The following ZBTB40 variants were observed in gnomAD, a reference collection of about 807,000 sequenced individuals.
ZBTB40 encodes zinc finger and BTB domain-containing protein 40.
In ZBTB40, 60 loss-of-function variants were observed where a neutral mutation model predicts 117.5. The ratio of observed to expected loss-of-function variants is 0.51; its 90% CI spans 0.41 to 0.63. The LOEUF (loss-of-function observed/expected upper bound fraction) is 0.63, where lower values mean the gene tolerates loss of function less well. Among genes scored for constraint, ZBTB40 ranks in the 30% least tolerant of loss-of-function variants. The probability of loss-of-function intolerance (pLI) is 0.00; values close to 1 mark genes in which losing one functional copy is unlikely to be tolerated. For synonymous variants in ZBTB40, 525 were observed against 577.1 expected (o/e 0.91, Z 1.29); for missense variants, 1,287 against 1,498.5 (o/e 0.86, Z 2.33).
At position 22,511,989 on chromosome 1, in the gene ZBTB40, T is replaced by G; in HGVS notation, c.2316T>G (p.Ser772Arg). 6.2e-7 allele frequency: 1 copy of G among 1,614,076 alleles called. No individual in the cohort carries two copies. The highest frequency in any genetic ancestry group is 8.5e-7 in the Non-Finnish European group (1 of 1,180,028). Reference protein sequence around the residue: ...KSKQVQCKECSETKDSKKELD... With the variant: ...KSKQVQCKECRETKDSKKELD... The stretch of plus-strand genomic sequence containing the variant: ...AACAGGTGCAGTGTAAGGAGTGCAG[T>G]GAGACCAAGGATTCAAAGAAAGAGC... Residue 772 changes from serine (S) to arginine (R), a missense_variant, in exon 11 of 18, where the codon AGT becomes AGG. Ser to Arg is a moderately radical substitution (Grantham distance 110). Around this residue, in one of 2 missense-constraint regions of ZBTB40, gnomAD observed 870 missense variants for 934.4 expected, o/e 0.93. Coordinates refer to ENST00000375647, the MANE Select transcript of ZBTB40 (RefSeq NM_014870.4).
chr1:22,477,800 G>C (rs949273901), intron 1 of ZBTB40, among the ~76,000 whole-genome samples: 1 of 152,052 alleles, frequency 6.6e-6, no homozygotes, highest in South Asian at 2.1e-4. Context: ...CTCCCGCCTC[G>C]GCCTCTCAAA....
intron 1 of ZBTB40, among the ~76,000 whole-genome samples, chr1:22,440,938 C>CT (rs757755273): frequency 5.9e-5 from 9 of 152,030 alleles, no homozygotes; most frequent in Non-Finnish European, 8.8e-5. Flanking sequence ...CTATAGTTTT[C>CT]TTTTTCTTGT....
At chr1:22,509,048 A>C (rs1341156120) in intron 8 of ZBTB40, 52 bp from the exon 9 acceptor site, 2 of 1,613,970 alleles carry the variant, frequency 1.2e-6, no homozygotes, top group African/African-American at 1.3e-5. Context: ...GGTGTAGGAA[A>C]AAATGGTGCT....
rs756937141 is a variant in ZBTB40 at position 22,501,734 on chromosome 1, A to G, written c.1024+50A>G. ...AATGGCAGGGTTTTATTTTGGGATG[A>G]TGCTATGAAGTTTGTTCCAATGACA... On this transcript the variant is annotated intron_variant, in intron 4 of 17. Transcript: ENST00000375647. 5.1e-6 allele frequency: 8 copies of G among 1,583,038 alleles called. No individual in the cohort carries two copies. In the African/African-American group the frequency reaches 9.4e-5, roughly 19 times the overall value.
At position 22,512,076 on chromosome 1, in the gene ZBTB40, G is replaced by A; in HGVS notation, c.2403G>A (p.Lys801=). 11 of 1,613,946 alleles carry A rather than the reference G, an allele frequency of 6.8e-6. No individual in the cohort carries two copies. The highest frequency in any genetic ancestry group is 9.3e-6 in the Non-Finnish European group (11 of 1,180,050). The change falls in exon 11 of 18, where the codon AAG becomes AAA. Residue 801 remains lysine (K), a synonymous_variant. Coordinates refer to ENST00000375647, the MANE Select transcript of ZBTB40 (RefSeq NM_014870.4). ...GAGAGCCCGATGCCCCCAAGAAGAA[G>A]AAGAAGAGGCTTCCAGTGACATGTG... The part of the protein sequence containing the change: ...AGGEPDAPKK[K]KKRLPVTCDL...
chr1:22,438,662 A>G (rs2124364917), intron 1 of ZBTB40, among the ~76,000 whole-genome samples: 1 of 152,266 alleles, frequency 6.6e-6, no homozygotes, highest in South Asian at 2.1e-4. Context: ...CCGTTTTTCC[A>G]CAACCTTGCC....
At chr1:22,439,018 C>A (rs1013731824) in intron 1 of ZBTB40, among the ~76,000 whole-genome samples, 8 of 152,134 alleles carry the variant, frequency 5.3e-5, no homozygotes, top group African/African-American at 1.9e-4. Flanking sequence ...CAGGTGCCCA[C>A]CACCACGTCC....
intron 12 of ZBTB40, among the ~76,000 whole-genome samples, chr1:22,516,161 G>A (rs1639367919): frequency 6.6e-6 from 1 of 152,160 alleles, no homozygotes; most frequent in Non-Finnish European, 1.5e-5. Context: ...TTACTGAGAT[G>A]GGGGAGTGTG....
chr1:22,432,117 T>C (rs1027335896), intron 1 of ZBTB40, among the ~76,000 whole-genome samples: 2 of 152,224 alleles, frequency 1.3e-5, no homozygotes, highest in Admixed American at 6.5e-5. Flanking sequence ...GGCAAAATGC[T>C]AGACTTTATG....
intron 1 of ZBTB40, among the ~76,000 whole-genome samples, chr1:22,480,630 G>A (rs546917034): frequency 1.2e-4 from 19 of 152,238 alleles, no homozygotes; most frequent in East Asian, 1.2e-3. Flanking sequence ...GATTACAGGC[G>A]TGAGCCACCG....
At chr1:22,437,447 G>T in intron 1 of ZBTB40, among the ~76,000 whole-genome samples, 1 of 147,616 alleles carries the variant, frequency 6.8e-6, no homozygotes, top group Non-Finnish European at 1.5e-5. Context: ...TTGAGATGGA[G>T]TCTCACTCTG....
At position 22,435,018 on chromosome 1, in the gene ZBTB40, A is replaced by AT. The variant is rs200374120; in HGVS notation, c.-70+6020dup. 2.4e-3 allele frequency among the ~76,000 whole-genome samples: 329 copies of AT among 139,804 alleles called. 1 individual carries two copies. The highest frequency in any genetic ancestry group is 4.3e-3 in the African/African-American group (164 of 38,274). 91.7% of individuals were successfully genotyped at this position (139,804 alleles called of 152,430 possible). On this transcript the variant is annotated intron_variant, in intron 1 of 8. Coordinates refer to the ZBTB40 transcript ENST00000650433. ...GAGTTTTTCGTTTTATCCTTCATTA[A>AT]TTTTTTTTTTTTTTTTAGACAGCAT...
chr1:22,463,247 A>G (rs774210765), intron 1 of ZBTB40, among the ~76,000 whole-genome samples: 1 of 152,180 alleles, frequency 6.6e-6, no homozygotes, highest in African/African-American at 2.4e-5. Flanking sequence ...TGTAGAGCAC[A>G]TAGCCGCTGG....
At chr1:22,443,911 G>T (rs1640760370) in intron 1 of ZBTB40, among the ~76,000 whole-genome samples, 1 of 152,154 alleles carries the variant, frequency 6.6e-6, no homozygotes, top group Admixed American at 6.5e-5. Flanking sequence ...CAAAGGTAGG[G>T]TGTATAACTA....
intron 1 of ZBTB40, among the ~76,000 whole-genome samples, chr1:22,431,934 T>G (rs1437504881): frequency 6.6e-6 from 1 of 151,832 alleles, no homozygotes; most frequent in African/African-American, 2.4e-5. Context: ...TGCTCCCGCC[T>G]GGTTTCCATT....
Position 22,433,432 on chromosome 1 carries a change from C to CAAAAAAAAAAAAAAAAAAAAAAAA in ZBTB40, c.-70+4420_-70+4443dup, listed in dbSNP as rs767913519. Reference sequence around the variant, plus strand: ...TGGGCGACAGAGCAAGACGCCCTCTCAAAAAAAAAAAAAAAAAAAAAAAAA... The same window carrying CAAAAAAAAAAAAAAAAAAAAAAAA: ...TGGGCGACAGAGCAAGACGCCCTCTCAAAAAAAAAAAAAAAAAAAAAAAAAAAAAAAAAAAAAAAAAAAAAAAAA... On this transcript the variant is annotated intron_variant, in intron 1 of 8. Coordinates refer to the ZBTB40 transcript ENST00000650433. 2.2e-3 allele frequency among the ~76,000 whole-genome samples: 19 copies of CAAAAAAAAAAAAAAAAAAAAAAAA among 8,760 alleles called. 1 individual carries two copies. Among genetic ancestry groups the CAAAAAAAAAAAAAAAAAAAAAAAA allele is most frequent in the Admixed American group, 4.7e-3 (2 of 422 alleles). The allele number at this position is 8,760 out of a possible 152,430, so 5.7% of individuals were successfully genotyped here.
chr1:22,471,836 G>T (rs1034759041), intron 1 of ZBTB40, among the ~76,000 whole-genome samples: 3 of 152,208 alleles, frequency 2.0e-5, no homozygotes, highest in African/African-American at 4.8e-5. Context: ...CTGGAAGCTG[G>T]GATACCACAC....
intron 16 of ZBTB40, among the ~76,000 whole-genome samples, chr1:22,523,900 G>A (rs142874995): frequency 1.1e-3 from 172 of 152,262 alleles, no homozygotes; most frequent in African/African-American, 3.9e-3. Context: ...ATATAGTATC[G>A]TCAGCATCTT....
chr1:22,469,003 A>T (rs1017086711), intron 1 of ZBTB40, among the ~76,000 whole-genome samples: 4 of 150,940 alleles, frequency 2.7e-5, no homozygotes, highest in Non-Finnish European at 5.9e-5. Flanking sequence ...ATTTTTTGGT[A>T]TTTTTTTTAG....
Sources: gnomAD v4.1 joint callset for allele counts (sites outside exome capture counted in the v4.1 genomes callset) on GRCh38, gnomAD v4.1.1 for gene constraint, gnomAD v4.1.1 regional missense constraint, MANE v1.5 for transcripts, NCBI Gene and HGNC (gene_info 2026-07-23, HGNC 2026-07-21) for gene names.